AVL9: variants seen among roughly 807,000 people sequenced by gnomAD.
AVL9 encodes the protein AVL9 cell migration associated.
AVL9 carries 49 observed loss-of-function variants against 79.2 expected under a neutral mutation model. The ratio of observed to expected loss-of-function variants is 0.62; its 90% confidence interval spans 0.49 to 0.79. AVL9 has a LOEUF of 0.79. Among genes scored for constraint, AVL9 ranks in the 30% least tolerant of loss-of-function variants. AVL9 has a pLI of 0.00. For synonymous variants in AVL9, 299 were observed against 280.6 expected (o/e 1.07, Z -0.65); for missense variants, 682 against 776.8 (o/e 0.88, Z 1.45).
chr7:32,497,499 C>A (rs1043168888), intron 1 of AVL9, among the ~76,000 whole-genome samples: 2 of 152,194 alleles, frequency 1.3e-5, no homozygotes, highest in Non-Finnish European at 2.9e-5. Context: ...CTACCTAATT[C>A]TCCACTTTAA....
At chr7:32,499,111 G>A (rs66669924) in intron 1 of AVL9, among the ~76,000 whole-genome samples, 28,289 of 140,822 alleles carry the variant, frequency 0.2, 3,886 homozygotes, top group Admixed American at 0.3. Context: ...TACAGTGAGC[G>A]AAGATCTGCC....
In AVL9 at chr7:32,584,074, T is replaced by C. The variant is rs2128159147; in HGVS notation, c.*167T>C. 2 of 688,624 alleles carry C rather than the reference T, an allele frequency of 2.9e-6. No homozygotes were observed. Among genetic ancestry groups the C allele is most frequent in the Non-Finnish European group, 5.4e-6 (2 of 369,800 alleles). 42.7% of individuals were successfully genotyped at this position (688,624 alleles called of 1,614,324 possible). On this transcript the variant is annotated 3_prime_UTR_variant, in exon 16 of 16. Coordinates refer to ENST00000318709, the MANE Select transcript of AVL9 (RefSeq NM_015060.3). ...GTTTCGGGATGCCGAAATGATGAAA[T>C]CACAGCCATAGCAGGGATGGCTTTC... is the stretch of plus-strand genomic sequence containing the variant.
chr7:32,513,844 T>C (rs1003792204), intron 1 of AVL9, among the ~76,000 whole-genome samples: 1 of 152,100 alleles, frequency 6.6e-6, no homozygotes, highest in African/African-American at 2.4e-5. Flanking sequence ...AGGGTGATGG[T>C]GGGGAGAGGG....
chr7:32,579,998 C>G (rs1791429765), intron 13 of AVL9, among the ~76,000 whole-genome samples: 2 of 151,976 alleles, frequency 1.3e-5, no homozygotes, highest in South Asian at 2.1e-4. Flanking sequence ...ACCTGTTTTA[C>G]AAGTGAGGAA....
At chr7:32,582,293 G>A (rs747878828) in intron 15 of AVL9, among the ~76,000 whole-genome samples, 1 of 152,134 alleles carries the variant, frequency 6.6e-6, no homozygotes, top group Non-Finnish European at 1.5e-5. Flanking sequence ...AACCGTTACT[G>A]AACACAATTC....
chr7:32,519,224 C>T (rs1014891650), intron 1 of AVL9, among the ~76,000 whole-genome samples: 3 of 151,996 alleles, frequency 2.0e-5, no homozygotes, highest in Non-Finnish European at 4.4e-5. Context: ...GTCAAGAGTT[C>T]GAGACCAGCC....
intron 13 of AVL9, 125 bp from the exon 14 acceptor site, chr7:32,580,094 C>A: frequency 1.4e-6 from 1 of 704,290 alleles, no homozygotes; most frequent in Non-Finnish European, 2.4e-6. Flanking sequence ...TTTCCCGATA[C>A]CAAACACAGC....
chr7:32,579,705 G>C (rs1791414417), intron 13 of AVL9, among the ~76,000 whole-genome samples: 1 of 134,806 alleles, frequency 7.4e-6, no homozygotes, highest in African/African-American at 2.8e-5. Context: ...TGATAGTGCT[G>C]TTTTTTTTTA....
intron 1 of AVL9, among the ~76,000 whole-genome samples, chr7:32,506,740 T>TC (rs1562751923): frequency 7.0e-6 from 1 of 141,906 alleles, no homozygotes; most frequent in Non-Finnish European, 1.5e-5. Context: ...AGACCCTGTC[T>TC]CTATTTAAAA....
chr7:32,575,080 T>C (rs962629683), intron 12 of AVL9, among the ~76,000 whole-genome samples: 20 of 130,166 alleles, frequency 1.5e-4, no homozygotes, highest in African/African-American at 5.2e-4. Context: ...GTATATTCTT[T>C]TAAGACTTTT....
chr7:32,567,822 A>G (rs769522852), intron 10 of AVL9, among the ~76,000 whole-genome samples: 11 of 151,644 alleles, frequency 7.3e-5, no homozygotes, highest in Non-Finnish European at 1.2e-4. Flanking sequence ...TTTTCAAGCG[A>G]TTCTCCTGCC....
At chr7:32,581,160 C>G (rs1429411042) in intron 15 of AVL9, 5 of 425,234 alleles carry the variant, frequency 1.2e-5, no homozygotes, top group Non-Finnish European at 2.1e-5. Flanking sequence ...TTTTCTTCCC[C>G]CATTCCCTGT....
intron 1 of AVL9, among the ~76,000 whole-genome samples, chr7:32,496,139 C>G (rs1786796969): frequency 6.6e-6 from 1 of 152,240 alleles, no homozygotes; most frequent in Admixed American, 6.5e-5. Flanking sequence ...ATCATTGTCT[C>G]CACTGGCTTT....
At chr7:32,551,565 G>T in intron 5 of AVL9, 142 bp downstream of exon 5, 16 of 249,496 alleles carry the variant, frequency 6.4e-5, no homozygotes, top group African/African-American at 7.7e-5. Context: ...TTAAAACATT[G>T]AAAGACTAGG....
intron 10 of AVL9, among the ~76,000 whole-genome samples, chr7:32,563,089 T>A (rs1434044386): frequency 6.6e-6 from 1 of 152,204 alleles, no homozygotes; most frequent in Non-Finnish European, 1.5e-5. Context: ...TGGAGTACAG[T>A]GGCGTGATGT....
At chr7:32,526,825 C>T (rs145882685) in intron 1 of AVL9, among the ~76,000 whole-genome samples, 1,853 of 152,134 alleles carry the variant, frequency 0.012, 41 homozygotes, top group African/African-American at 0.04. Flanking sequence ...CTCCGCAGAG[C>T]GAAAGAGAGT....
chr7:32,549,122 C>G (rs1789672223), intron 4 of AVL9, among the ~76,000 whole-genome samples: 1 of 151,150 alleles, frequency 6.6e-6, no homozygotes, highest in Admixed American at 6.6e-5. Context: ...GATCTTATAG[C>G]TATTGGAAAG....
chr7:32,543,104 T>G (rs746838022), intron 1 of AVL9, 37 bp from the exon 2 acceptor site: 1 of 1,610,600 alleles, frequency 6.2e-7, no homozygotes, highest in Non-Finnish European at 8.5e-7. Context: ...CTTCCTTTGG[T>G]CAACCACCTT....
At chr7:32,504,834 C>T (rs1180872560) in intron 1 of AVL9, among the ~76,000 whole-genome samples, 2 of 151,926 alleles carry the variant, frequency 1.3e-5, no homozygotes, top group African/African-American at 2.4e-5. Flanking sequence ...TGTGTGGATC[C>T]TCAAAACCTA....
Sources: gnomAD v4.1 joint callset for allele counts (sites outside exome capture counted in the v4.1 genomes callset) on GRCh38, gnomAD v4.1.1 for gene constraint, MANE v1.5 for transcripts, NCBI Gene and HGNC (gene_info 2026-07-23, HGNC 2026-07-21) for gene names.